The following MBD2 variants were observed in gnomAD, a reference collection of about 807,000 sequenced individuals.
MBD2 encodes methyl-CpG-binding domain protein 2.
Under a neutral mutation model 39.3 loss-of-function variants are expected in MBD2, and 9 were observed. The observed-to-expected ratio is 0.23, with a 90% confidence interval of 0.14 to 0.40. The LOEUF is 0.40. Ranked by LOEUF, MBD2 falls within the 10% of genes least tolerant of loss-of-function variation. The probability of loss-of-function intolerance (pLI) is 1.00; values close to 1 mark genes in which losing one functional copy is unlikely to be tolerated. For missense variants in MBD2, 458 were observed against 532.6 expected (o/e 0.86, Z 1.38); for synonymous variants, 233 against 211.1 (o/e 1.10, Z -0.90).
Position 54,213,558 on chromosome 18 carries a change from C to T in MBD2, c.543-8401G>A, listed in dbSNP as rs146425904. On this transcript the variant is annotated intron_variant, in intron 1 of 6. Transcript: ENST00000256429. The stretch of plus-strand genomic sequence containing the variant: ...AAAAATGAATTTATGTAGAATTCTA[C>T]CTAGTCTCATCCTTAAGGCATTTGC... 9.6e-3 allele frequency among the ~76,000 whole-genome samples: 1,462 copies of T among 152,210 alleles called. 19 individuals are homozygous for T. The highest frequency in any genetic ancestry group is 0.034 in the African/African-American group (1,401 of 41,516).
At chr18:54,185,609 A>C (rs1021112745) in intron 3 of MBD2, among the ~76,000 whole-genome samples, 1 of 152,160 alleles carries the variant, frequency 6.6e-6, no homozygotes, top group Non-Finnish European at 1.5e-5. Flanking sequence ...ACCAGCAAAA[A>C]TTACAACTCA....
intron 2 of MBD2, among the ~76,000 whole-genome samples, chr18:54,198,466 G>A (rs781013037): frequency 6.6e-6 from 1 of 152,194 alleles, no homozygotes; most frequent in Admixed American, 6.5e-5. Flanking sequence ...TGTAATCCTA[G>A]CACTTTGGAA....
intron 1 of MBD2, among the ~76,000 whole-genome samples, chr18:54,219,345 A>G (rs1350631311): frequency 1.3e-5 from 2 of 152,236 alleles, no homozygotes; most frequent in African/African-American, 4.8e-5. Context: ...CAAAAACTAC[A>G]AAGTCATTTT....
At chr18:54,210,177 T>C (rs993337347) in intron 1 of MBD2, among the ~76,000 whole-genome samples, 9 of 152,120 alleles carry the variant, frequency 5.9e-5, no homozygotes, top group Non-Finnish European at 8.8e-5. Context: ...TTCTACCCAC[T>C]ATTTAAATAA....
At chr18:54,176,962 G>A (rs1489842172) in intron 3 of MBD2, among the ~76,000 whole-genome samples, 2 of 152,168 alleles carry the variant, frequency 1.3e-5, no homozygotes, top group African/African-American at 2.4e-5. Flanking sequence ...TGCAGTAAGC[G>A]TTTGCTGTAG....
At chr18:54,182,292 CTAAGGAA>C (rs2086256687) in intron 3 of MBD2, among the ~76,000 whole-genome samples, 1 of 152,116 alleles carries the variant, frequency 6.6e-6, no homozygotes, top group African/African-American at 2.4e-5. Flanking sequence ...AGAAGAAACA[CTAAGGAA>C]TGTCTCTAAA....
intron 1 of MBD2, among the ~76,000 whole-genome samples, chr18:54,210,793 A>T (rs1383215492): frequency 4.6e-5 from 7 of 152,162 alleles, no homozygotes; most frequent in African/African-American, 1.7e-4. Flanking sequence ...GGAATAATAA[A>T]AATCTCCACA....
intron 5 of MBD2, among the ~76,000 whole-genome samples, chr18:54,160,534 C>G (rs1169269048): frequency 6.6e-6 from 1 of 150,636 alleles, no homozygotes; most frequent in Admixed American, 6.6e-5. Context: ...CTCTGTGTCT[C>G]GGTGATTACA....
intron 1 of MBD2, among the ~76,000 whole-genome samples, chr18:54,223,036 G>A (rs998365839): frequency 1.3e-5 from 2 of 152,174 alleles, no homozygotes; most frequent in African/African-American, 2.4e-5. Flanking sequence ...AAATGCTTCA[G>A]TCAGTCCACA....
chr18:54,157,344 T>C (rs2086060140), intron 6 of MBD2, among the ~76,000 whole-genome samples: 1 of 151,630 alleles, frequency 6.6e-6, no homozygotes, highest in Non-Finnish European at 1.5e-5. Context: ...CACTGCAACC[T>C]CCGCCTCCCA....
At chr18:54,207,969 C>T (rs1482660826) in intron 1 of MBD2, among the ~76,000 whole-genome samples, 2 of 151,922 alleles carry the variant, frequency 1.3e-5, no homozygotes, top group Admixed American at 6.6e-5. Context: ...ACCCAGGAGG[C>T]GGAGCTTGCA....
intron 3 of MBD2, among the ~76,000 whole-genome samples, chr18:54,176,963 T>C (rs2086216224): frequency 6.6e-6 from 1 of 152,136 alleles, no homozygotes. Flanking sequence ...GCAGTAAGCG[T>C]TTGCTGTAGT....
chr18:54,165,132 G>A (rs905760029), intron 4 of MBD2, among the ~76,000 whole-genome samples: 1 of 152,146 alleles, frequency 6.6e-6, no homozygotes, highest in Non-Finnish European at 1.5e-5. Context: ...CTAGAGTACT[G>A]GTATAGTCTC....
intron 2 of MBD2, among the ~76,000 whole-genome samples, chr18:54,189,525 T>A (rs1339279705): frequency 6.6e-6 from 1 of 151,902 alleles, no homozygotes; most frequent in African/African-American, 2.4e-5. Flanking sequence ...CCCGGCCAGC[T>A]TTTTGTATAC....
intron 1 of MBD2, among the ~76,000 whole-genome samples, chr18:54,209,616 G>T (rs2086483979): frequency 6.6e-6 from 1 of 152,190 alleles, no homozygotes; most frequent in South Asian, 2.1e-4. Context: ...TCTGTCTGTG[G>T]TGCTTTAAGG....
chr18:54,211,958 C>A (rs1412640287), intron 1 of MBD2, among the ~76,000 whole-genome samples: 1 of 151,892 alleles, frequency 6.6e-6, no homozygotes, highest in Non-Finnish European at 1.5e-5. Context: ...TGCCTTCAAG[C>A]GATTCTCCTG....
intron 3 of MBD2, among the ~76,000 whole-genome samples, chr18:54,179,810 A>G (rs1312845906): frequency 2.0e-5 from 3 of 152,192 alleles, no homozygotes; most frequent in South Asian, 2.1e-4. Context: ...ATGTTCCCTG[A>G]CATCACGAAT....
At chr18:54,162,766 A>G (rs912508533) in intron 5 of MBD2, among the ~76,000 whole-genome samples, 16 of 152,198 alleles carry the variant, frequency 1.1e-4, no homozygotes, top group South Asian at 4.1e-4. Flanking sequence ...TTGATTTTAC[A>G]TTTTGTTTTC....
At chr18:54,208,220 C>A (rs904378439) in intron 1 of MBD2, among the ~76,000 whole-genome samples, 2 of 152,114 alleles carry the variant, frequency 1.3e-5, no homozygotes, top group Admixed American at 6.5e-5. Flanking sequence ...TGGCCAGGCA[C>A]GGTGGCTCAT....
Sources: allele counts gnomAD v4.1 joint callset (sites outside exome capture counted in the v4.1 genomes callset), GRCh38; gene constraint gnomAD v4.1.1; transcripts MANE v1.5; gene names NCBI Gene and HGNC (gene_info 2026-07-23, HGNC 2026-07-21).